Variants in SHANK2 observed in about 807,000 individuals in gnomAD.
SHANK2 encodes the protein SH3 and multiple ankyrin repeat domains protein 2.
SHANK2 carries 43 observed loss-of-function variants against 133.7 expected under a neutral mutation model. The ratio of observed to expected loss-of-function variants is 0.32; its 90% CI spans 0.25 to 0.41. The LOEUF (loss-of-function observed/expected upper bound fraction) is 0.41, where lower values mean the gene tolerates loss of function less well. SHANK2 is among the 10% of genes least tolerant of loss of function. The pLI is 1.00. For missense variants in SHANK2, 1,994 were observed against 2,235.8 expected (o/e 0.89, Z 2.18); for synonymous variants, 1,017 against 952.8 (o/e 1.07, Z -1.24).
rs114452852 is a variant in SHANK2 at position 71,207,794 on chromosome 11, T to C, written c.-13+16903A>G. On this transcript the variant is annotated intron_variant, in intron 2 of 25. Coordinates refer to ENST00000601538, the MANE Select transcript of SHANK2 (RefSeq NM_012309.5). The stretch of plus-strand genomic sequence containing the variant: ...CCAAACAGCTCTAACTAGTCCTCAG[T>C]GTGACACCGTCACTGGAGGCTGACC... Among the ~76,000 whole-genome samples, 793 of 152,218 alleles carry C rather than the reference T, an allele frequency of 5.2e-3. 8 individuals carry two copies. The highest frequency in any genetic ancestry group is 0.018 in the African/African-American group (752 of 41,548).
chr11:70,778,105 C>T (rs1225562008), intron 14 of SHANK2, among the ~76,000 whole-genome samples: 4 of 152,144 alleles, frequency 2.6e-5, no homozygotes, highest in Non-Finnish European at 5.9e-5. Flanking sequence ...AACAGAGGCT[C>T]AGAGAAGCTG....
intron 10 of SHANK2, among the ~76,000 whole-genome samples, chr11:70,915,700 G>T (rs1454547779): frequency 6.6e-5 from 10 of 152,300 alleles, no homozygotes; most frequent in Admixed American, 5.9e-4. Context: ...CCACAAAAGG[G>T]CTGCCTGCCT....
intron 2 of SHANK2, among the ~76,000 whole-genome samples, chr11:71,213,582 G>A (rs1330578618): frequency 6.6e-6 from 1 of 152,134 alleles, no homozygotes; most frequent in Non-Finnish European, 1.5e-5. Flanking sequence ...AGCCATGTGG[G>A]GCATTAGACC....
chr11:70,641,930 T>C (rs1555006512), intron 17 of SHANK2, among the ~76,000 whole-genome samples: 2 of 152,194 alleles, frequency 1.3e-5, no homozygotes, highest in African/African-American at 4.8e-5. Flanking sequence ...GGCCAATCTC[T>C]CTGGGCAAGG....
chr11:71,185,095 A>C (rs1412441208), intron 2 of SHANK2, among the ~76,000 whole-genome samples: 1 of 152,140 alleles, frequency 6.6e-6, no homozygotes, highest in Non-Finnish European at 1.5e-5. Flanking sequence ...TCTCCCCACC[A>C]GGGGTACCGG....
chr11:70,755,599 T>C (rs945932180), intron 14 of SHANK2, among the ~76,000 whole-genome samples: 1 of 152,198 alleles, frequency 6.6e-6, no homozygotes, highest in Non-Finnish European at 1.5e-5. Context: ...GTGGAGATTC[T>C]GGGGACAAGG....
intron 8 of SHANK2, among the ~76,000 whole-genome samples, chr11:71,075,527 G>C (rs984495399): frequency 1.3e-5 from 2 of 152,194 alleles, no homozygotes; most frequent in Non-Finnish European, 2.9e-5. Flanking sequence ...TCAGTTGTGA[G>C]ACAGAGGGTC....
At chr11:70,953,118 A>T (rs1219036382) in intron 10 of SHANK2, among the ~76,000 whole-genome samples, 1 of 152,008 alleles carries the variant, frequency 6.6e-6, no homozygotes, top group Admixed American at 6.6e-5. Flanking sequence ...TACACTTTGA[A>T]CACTGGCCCT....
chr11:70,520,266 C>A (rs1157321069), intron 17 of SHANK2, among the ~76,000 whole-genome samples: 1 of 152,136 alleles, frequency 6.6e-6, no homozygotes, highest in African/African-American at 2.4e-5. Flanking sequence ...TAATTTTTAC[C>A]TGACGTCCCT....
At chr11:71,094,394 C>A (rs1275842341) in intron 7 of SHANK2, 143 bp downstream of exon 7, 1 of 735,830 alleles carries the variant, frequency 1.4e-6, no homozygotes, top group Non-Finnish European at 2.1e-6. Context: ...CAAGCTCCAG[C>A]CGGAACACTG....
chr11:70,625,260 G>A (rs782637939), intron 17 of SHANK2, among the ~76,000 whole-genome samples: 4 of 152,128 alleles, frequency 2.6e-5, no homozygotes, highest in Non-Finnish European at 4.4e-5. Context: ...GGGCATTGCC[G>A]CCAGGGATGC....
At chr11:70,911,168 GA>G (rs1565400839) in intron 10 of SHANK2, 1 of 456,640 alleles carries the variant, frequency 2.2e-6, no homozygotes, top group East Asian at 6.9e-5. Context: ...TACATGCCAC[GA>G]AACACACAGG....
intron 5 of SHANK2, among the ~76,000 whole-genome samples, chr11:71,111,259 G>A (rs1951887686): frequency 6.6e-6 from 1 of 152,206 alleles, no homozygotes; most frequent in Admixed American, 6.5e-5. Context: ...CCCACCTCCT[G>A]CCTCCATCCC....
At chr11:70,628,230 G>C (rs1229891093) in intron 17 of SHANK2, among the ~76,000 whole-genome samples, 1 of 152,174 alleles carries the variant, frequency 6.6e-6, no homozygotes, top group Non-Finnish European at 1.5e-5. Context: ...ACCATGCCTG[G>C]CTGAGAGTTC....
intron 1 of SHANK2, among the ~76,000 whole-genome samples, chr11:71,231,439 G>T (rs558405597): frequency 6.6e-6 from 1 of 152,160 alleles, no homozygotes; most frequent in Non-Finnish European, 1.5e-5. Context: ...TCACATTGCC[G>T]GTGGAAAACC....
chr11:70,490,654 G>A (rs541292922), intron 22 of SHANK2, among the ~76,000 whole-genome samples: 7 of 152,316 alleles, frequency 4.6e-5, no homozygotes, highest in African/African-American at 1.4e-4. Flanking sequence ...ATGGAGATGT[G>A]GTCTGCTGCA....
At chr11:71,250,508 G>C (rs1331316103) in intron 1 of SHANK2, among the ~76,000 whole-genome samples, 3 of 152,144 alleles carry the variant, frequency 2.0e-5, no homozygotes, top group Non-Finnish European at 2.9e-5. Flanking sequence ...GAGCAGACAC[G>C]ACGGCTTTCC....
chr11:70,769,917 G>T (rs559989233), intron 14 of SHANK2, among the ~76,000 whole-genome samples: 1 of 152,188 alleles, frequency 6.6e-6, no homozygotes, highest in East Asian at 1.9e-4. Context: ...AGCACACCCT[G>T]GGTCCTGCAG....
chr11:70,701,800 T>C (rs1945526923), intron 14 of SHANK2, among the ~76,000 whole-genome samples: 1 of 152,144 alleles, frequency 6.6e-6, no homozygotes, highest in Admixed American at 6.5e-5. Context: ...CAGAAACAGT[T>C]ATACTTGGGC....
Sources: allele counts gnomAD v4.1 joint callset (sites outside exome capture counted in the v4.1 genomes callset), GRCh38; gene constraint gnomAD v4.1.1; transcripts MANE v1.5; gene names NCBI Gene and HGNC (gene_info 2026-07-23, HGNC 2026-07-21).